SYT14: variants seen among roughly 807,000 people sequenced by gnomAD.
SYT14 encodes synaptotagmin 14.
SYT14 carries 32 observed loss-of-function variants against 74.2 expected under a neutral mutation model. The observed-to-expected ratio is 0.43, with a 90% CI of 0.33 to 0.58. The LOEUF (loss-of-function observed/expected upper bound fraction) is 0.58, where lower values mean the gene tolerates loss of function less well. SYT14 is among the 20% of genes least tolerant of loss of function. The pLI is 0.05. For missense variants in SYT14, 791 were observed against 981.8 expected (o/e 0.81, Z 2.60); for synonymous variants, 298 against 337.7 (o/e 0.88, Z 1.29).
rs10650636 is a variant in SYT14 at position 210,030,908 on chromosome 1, GTTTGT to G, written c.1312+9686_1312+9690del. On this transcript the variant is annotated intron_variant, in intron 5 of 9. Transcript: ENST00000637265. ...AATTAGTATGGGAAGGCAGTGTTTT[GTTTGT>G]TTTGTTTTGTTTTGTTTTGTTTTGT... Among the ~76,000 whole-genome samples the G allele has an allele frequency of 6.2e-3, 922 of 149,052 alleles. 4 individuals carry two copies. Among genetic ancestry groups the G allele is most frequent in the African/African-American group, 0.021 (817 of 39,454 alleles).
In SYT14 at chr1:210,039,164, A is replaced by G. The variant is rs116793406; in HGVS notation, c.1312+17910A>G. Among the ~76,000 whole-genome samples the G allele has an allele frequency of 7.7e-3, 1,172 of 151,894 alleles. 20 individuals carry two copies. Among genetic ancestry groups the G allele is most frequent in the African/African-American group, 0.027 (1,120 of 41,444 alleles). On this transcript the variant is annotated intron_variant, in intron 5 of 9. Transcript: ENST00000637265. The stretch of plus-strand genomic sequence containing the variant: ...TCAAAAGACATATCTTCAAGCTCTG[A>G]GATTCTTTCTTCTGCTTGGTCTAGT...
chr1:210,136,198 A>G lies in SYT14; in HGVS notation c.2035-19523A>G, dbSNP rs935852572. On this transcript the variant is annotated intron_variant, in intron 7 of 9. Transcript: ENST00000637265. Reference sequence around the variant, plus strand: ...GGTAAGAAAGAAGGAGAGAATCCAGATGTCAGAAAGTTTGTAGATATTTTC... The same window carrying G: ...GGTAAGAAAGAAGGAGAGAATCCAGGTGTCAGAAAGTTTGTAGATATTTTC... Among the ~76,000 whole-genome samples the G allele has an allele frequency of 2.0e-5, 3 of 152,118 alleles. No homozygotes were observed. The South Asian group carries it at 6.2e-4, about 32-fold the overall frequency.
intron 5 of SYT14, among the ~76,000 whole-genome samples, chr1:210,046,280 A>G (rs2080882796): frequency 1.3e-5 from 2 of 152,174 alleles, no homozygotes; most frequent in Non-Finnish European, 1.5e-5. Flanking sequence ...AGGCTGAGGC[A>G]GGAGAATCGC....
chr1:210,009,070 T>C (rs570022093), intron 2 of SYT14, among the ~76,000 whole-genome samples: 27 of 152,112 alleles, frequency 1.8e-4, no homozygotes, highest in Non-Finnish European at 3.7e-4. Flanking sequence ...AGTTTACAAA[T>C]TTGTGTTGGG....
chr1:210,033,116 C>T (rs2080579400), intron 5 of SYT14, among the ~76,000 whole-genome samples: 1 of 151,826 alleles, frequency 6.6e-6, no homozygotes, highest in Admixed American at 6.6e-5. Context: ...AAGAACATGT[C>T]CTGTCTGTCC....
At chr1:209,970,125 A>G (rs1294337459) in intron 2 of SYT14, among the ~76,000 whole-genome samples, 3 of 152,126 alleles carry the variant, frequency 2.0e-5, no homozygotes, top group Non-Finnish European at 4.4e-5. Context: ...GGTCTCAGTC[A>G]TGAATTCTTT....
rs1322449482 is a variant in SYT14, at chr1:210,036,271, T to C, written c.1312+15017T>C. 3.3e-5 allele frequency among the ~76,000 whole-genome samples: 5 copies of C among 152,116 alleles called. No individual in the cohort carries two copies. The East Asian group carries it at 7.7e-4, about 23-fold the overall frequency. On this transcript the variant is annotated intron_variant, in intron 5 of 9. Coordinates refer to ENST00000637265, the Ensembl canonical transcript of SYT14. Reference sequence around the variant, plus strand: ...TAGAAATGCTGCTGATTTCTGCTCATTGATTTTGTATCCTGAAACTTTACT... The same window carrying C: ...TAGAAATGCTGCTGATTTCTGCTCACTGATTTTGTATCCTGAAACTTTACT...
At chr1:210,157,232 A>G (rs768605152) in intron 8 of SYT14, among the ~76,000 whole-genome samples, 3 of 150,160 alleles carry the variant, frequency 2.0e-5, no homozygotes, top group Non-Finnish European at 4.4e-5. Flanking sequence ...ACTTGATCCC[A>G]GGATTTCAAG....
chr1:210,084,461 A>G (rs912771092), intron 5 of SYT14, among the ~76,000 whole-genome samples: 4 of 152,134 alleles, frequency 2.6e-5, no homozygotes, highest in African/African-American at 9.7e-5. Context: ...TCATGTGTGT[A>G]TCTTAACCAA....
At chr1:210,139,265 C>CTTTTTTTTT (rs960923188) in intron 7 of SYT14, among the ~76,000 whole-genome samples, 1,099 of 95,700 alleles carry the variant, frequency 0.011, 1 homozygote, top group Non-Finnish European at 0.013. Flanking sequence ...TTTCTTTTTT[C>CTTTTTTTTT]TTTTTTTTTT....
At chr1:210,049,548 C>T (rs996864280) in intron 5 of SYT14, among the ~76,000 whole-genome samples, 50 of 151,850 alleles carry the variant, frequency 3.3e-4, no homozygotes, top group African/African-American at 4.8e-5. Flanking sequence ...TTGTCATCTA[C>T]GTTAGGTATT....
chr1:210,025,634 T>A (rs1338898479), intron 5 of SYT14, among the ~76,000 whole-genome samples: 1 of 151,132 alleles, frequency 6.6e-6, no homozygotes, highest in Non-Finnish European at 1.5e-5. Flanking sequence ...GTAGAGAAGA[T>A]TAGAGAGGAC....
intron 5 of SYT14, among the ~76,000 whole-genome samples, chr1:210,081,147 G>A (rs937333564): frequency 2.6e-5 from 4 of 152,204 alleles, no homozygotes; most frequent in African/African-American, 9.7e-5. Context: ...TAAAGCTGGA[G>A]CAGGAGCTGG....
intron 5 of SYT14, among the ~76,000 whole-genome samples, chr1:210,046,409 G>T (rs2080885225): frequency 8.1e-6 from 1 of 123,020 alleles, no homozygotes; most frequent in Admixed American, 8.3e-5. Flanking sequence ...CATTTCAAGT[G>T]TACAAGTCAA....
At chr1:210,157,425 G>T (rs1481242509) in intron 8 of SYT14, among the ~76,000 whole-genome samples, 1 of 145,436 alleles carries the variant, frequency 6.9e-6, no homozygotes, top group Non-Finnish European at 1.5e-5. Flanking sequence ...CTGGGTGACA[G>T]AGCAAGACCC....
At chr1:210,112,272 G>T (rs1333764455) in intron 7 of SYT14, among the ~76,000 whole-genome samples, 1 of 151,164 alleles carries the variant, frequency 6.6e-6, no homozygotes, top group East Asian at 1.9e-4. Context: ...TGATGTGTAG[G>T]GAAGGGAGGG....
At chr1:210,084,891 G>A (rs74761722) in intron 5 of SYT14, among the ~76,000 whole-genome samples, 4,140 of 152,286 alleles carry the variant, frequency 0.027, 202 homozygotes, top group African/African-American at 0.093. Flanking sequence ...ACTAGTGAAA[G>A]CATTTGTCAA....
At chr1:209,973,580 A>G (rs2079298151) in intron 2 of SYT14, among the ~76,000 whole-genome samples, 1 of 152,168 alleles carries the variant, frequency 6.6e-6, no homozygotes, top group African/African-American at 2.4e-5. Flanking sequence ...CATGGTGTAT[A>G]TGTGCCACAT....
chr1:210,157,383 A>C (rs1478207632), intron 8 of SYT14, among the ~76,000 whole-genome samples: 1 of 151,810 alleles, frequency 6.6e-6, no homozygotes, highest in Non-Finnish European at 1.5e-5. Flanking sequence ...TCAAGGCTGC[A>C]GGGAGCCAAG....
Sources: gnomAD v4.1 joint callset for allele counts (sites outside exome capture counted in the v4.1 genomes callset) on GRCh38, gnomAD v4.1.1 for gene constraint, MANE v1.5 for transcripts, NCBI Gene and HGNC (gene_info 2026-07-23, HGNC 2026-07-21) for gene names.